Variants in SCD5 observed in about 807,000 individuals in gnomAD.
The protein encoded by SCD5 is stearoyl-CoA desaturase 5, also known as acyl-CoA-desaturase 4.
A neutral mutation model predicts 30.4 loss-of-function variants in SCD5; 20 were observed. That is an observed-to-expected ratio of 0.66 (90% CI 0.46 to 0.96). SCD5 has a LOEUF of 0.96. SCD5 is among the 40% of genes least tolerant of loss of function. The pLI is 0.00. For synonymous variants in SCD5, 173 were observed against 176.4 expected (o/e 0.98, Z 0.16); for missense variants, 381 against 443.3 (o/e 0.86, Z 1.26).
At chr4:82,711,327 T>C (rs1017811536) in intron 1 of SCD5, among the ~76,000 whole-genome samples, 1 of 144,896 alleles carries the variant, frequency 6.9e-6, no homozygotes, top group Non-Finnish European at 1.5e-5. Flanking sequence ...TATTGGGTGT[T>C]GCAACCCAAA....
Position 82,719,718 on chromosome 4 carries a change from T to C in SCD5, c.233-14305A>G, listed in dbSNP as rs188862564. On this transcript the variant is annotated intron_variant, in intron 1 of 4. Transcript: ENST00000319540. ...CGGGGCTTCACCATGTTGGCCAGGA[T>C]GGTCTTGATCTCTTGACCTTGTGAT... 4.4e-3 allele frequency among the ~76,000 whole-genome samples: 667 copies of C among 151,180 alleles called. 17 individuals carry two copies. The highest frequency in any genetic ancestry group is 0.014 in the African/African-American group (572 of 40,762).
At chr4:82,737,323 T>C (rs921258253) in intron 1 of SCD5, among the ~76,000 whole-genome samples, 1 of 152,250 alleles carries the variant, frequency 6.6e-6, no homozygotes. Context: ...TCAGATTTTT[T>C]TTTGACTGTT....
At chr4:82,650,656 A>AC (rs1727732698) in intron 3 of SCD5, among the ~76,000 whole-genome samples, 1 of 145,200 alleles carries the variant, frequency 6.9e-6, no homozygotes, top group South Asian at 2.3e-4. Flanking sequence ...TGAGTGTGCC[A>AC]CTGCACTCCA....
chr4:82,749,011 T>G (rs1378668489), intron 1 of SCD5, among the ~76,000 whole-genome samples: 1 of 152,194 alleles, frequency 6.6e-6, no homozygotes, highest in Non-Finnish European at 1.5e-5. Flanking sequence ...GCAATTCGAC[T>G]AGGTCTAGGA....
At chr4:82,728,005 C>CG (rs1720544675) in intron 1 of SCD5, among the ~76,000 whole-genome samples, 1 of 152,024 alleles carries the variant, frequency 6.6e-6, no homozygotes, top group African/African-American at 2.4e-5. Context: ...CACCATGCCC[C>CG]ACCTCTAGTC....
chr4:82,737,424 C>T (rs896005852), intron 1 of SCD5, among the ~76,000 whole-genome samples: 1 of 152,130 alleles, frequency 6.6e-6, no homozygotes, highest in African/African-American at 2.4e-5. Flanking sequence ...CTATTTATCA[C>T]AATTTTCCCT....
intron 1 of SCD5, among the ~76,000 whole-genome samples, chr4:82,767,713 C>T (rs553260932): frequency 6.6e-6 from 1 of 152,258 alleles, no homozygotes; most frequent in Non-Finnish European, 1.5e-5. Flanking sequence ...TTTCTCTTAA[C>T]TTCTTTTATT....
chr4:82,786,008 A>G (rs1721978635), intron 1 of SCD5, among the ~76,000 whole-genome samples: 1 of 152,234 alleles, frequency 6.6e-6, no homozygotes, highest in Non-Finnish European at 1.5e-5. Context: ...GGACAATTAC[A>G]TTTTAGAAAT....
chr4:82,708,011 A>G (rs944374591), intron 1 of SCD5, among the ~76,000 whole-genome samples: 28 of 152,250 alleles, frequency 1.8e-4, no homozygotes, highest in Admixed American at 1.8e-3. Flanking sequence ...GAAGGAAGGT[A>G]CATCTTAAAT....
intron 1 of SCD5, among the ~76,000 whole-genome samples, chr4:82,729,878 A>T (rs1720589704): frequency 6.6e-6 from 1 of 152,028 alleles, no homozygotes; most frequent in South Asian, 2.1e-4. Flanking sequence ...TATACAACCA[A>T]CCTTCCCAAT....
rs777230906 is a variant in SCD5, at chr4:82,798,414, G to A, written c.124C>T (p.Arg42Trp). 1 of 1,613,134 alleles carries A rather than the reference G, an allele frequency of 6.2e-7. No individual in the cohort carries two copies. Among genetic ancestry groups the A allele is most frequent in the African/African-American group, 1.3e-5 (1 of 74,892 alleles). ...ACATTCCTCCAGACGATGTTCTGCC[G>A]CTGCCCGCGCGCGCCTGGCCTCTCC... ...GPERPGARGQ[R>W]QNIVWRNVVL... is the part of the protein sequence containing the mutation. The change falls in exon 1 of 5, where the codon CGG becomes TGG. Residue 42 changes from arginine (R) to tryptophan (W), a missense_variant. Physicochemically the swap from Arg to Trp is moderately radical, Grantham distance 101. Coordinates refer to ENST00000319540, the MANE Select transcript of SCD5 (RefSeq NM_001037582.3).
chr4:82,651,896 A>G (rs569876700), intron 3 of SCD5, among the ~76,000 whole-genome samples: 3 of 152,306 alleles, frequency 2.0e-5, no homozygotes, highest in Admixed American at 1.3e-4. Flanking sequence ...CTGGGTGACA[A>G]GAGCTAAAAC....
At chr4:82,749,584 C>T (rs1721059294) in intron 1 of SCD5, among the ~76,000 whole-genome samples, 1 of 152,196 alleles carries the variant, frequency 6.6e-6, no homozygotes, top group African/African-American at 2.4e-5. Flanking sequence ...GCCAAACAGG[C>T]AATGTTTCCT....
intron 1 of SCD5, among the ~76,000 whole-genome samples, chr4:82,746,908 C>A (rs570260743): frequency 6.6e-6 from 1 of 151,722 alleles, no homozygotes; most frequent in Non-Finnish European, 1.5e-5. Flanking sequence ...ACCCCCAATC[C>A]TGTTGCCATA....
chr4:82,763,798 G>A (rs1721429186), intron 1 of SCD5, among the ~76,000 whole-genome samples: 1 of 152,212 alleles, frequency 6.6e-6, no homozygotes, highest in Non-Finnish European at 1.5e-5. Flanking sequence ...CATCTAGTCT[G>A]TGGTATTTTG....
intron 1 of SCD5, among the ~76,000 whole-genome samples, chr4:82,740,592 C>A (rs1720851862): frequency 6.6e-6 from 1 of 152,170 alleles, no homozygotes; most frequent in Non-Finnish European, 1.5e-5. Context: ...AATGAAAGCA[C>A]CTGCCTGGCC....
chr4:82,637,490 C>T (rs1161634877), intron 3 of SCD5, among the ~76,000 whole-genome samples: 1 of 152,182 alleles, frequency 6.6e-6, no homozygotes, highest in Non-Finnish European at 1.5e-5. Flanking sequence ...TGTGCCAGAC[C>T]CTGAGTGTTA....
At chr4:82,661,136 T>C in intron 3 of SCD5, 1 of 1,430,770 alleles carries the variant, frequency 7.0e-7, no homozygotes, top group Non-Finnish European at 9.8e-7. Context: ...AGCAAGGGTT[T>C]AATTTCTCTA....
chr4:82,686,334 T>C (rs1728703611), intron 2 of SCD5, among the ~76,000 whole-genome samples: 1 of 152,234 alleles, frequency 6.6e-6, no homozygotes, highest in African/African-American at 2.4e-5. Context: ...GTGTGCATTA[T>C]ACTTCAAATT....
Sources: allele counts gnomAD v4.1 joint callset (sites outside exome capture counted in the v4.1 genomes callset), GRCh38; gene constraint gnomAD v4.1.1; transcripts MANE v1.5; gene names NCBI Gene and HGNC (gene_info 2026-07-23, HGNC 2026-07-21).